RABGAP1L: variants seen among roughly 807,000 people sequenced by gnomAD.
RABGAP1L encodes RAB GTPase activating protein 1 like, also known as rab GTPase-activating protein 1-like.
In RABGAP1L, 63 loss-of-function variants were observed where a neutral mutation model predicts 137.7. That is an observed-to-expected ratio of 0.46 (90% CI 0.37 to 0.56). The LOEUF (loss-of-function observed/expected upper bound fraction) is 0.56, where lower values mean the gene tolerates loss of function less well. RABGAP1L is among the 20% of genes least tolerant of loss of function. The pLI is 0.00. For missense variants in RABGAP1L, 1,095 were observed against 1,244.0 expected (o/e 0.88, Z 1.80); for synonymous variants, 431 against 433.7 (o/e 0.99, Z 0.08).
intron 11 of RABGAP1L, among the ~76,000 whole-genome samples, chr1:174,325,214 T>G (rs1419127205): frequency 6.6e-6 from 1 of 152,224 alleles, no homozygotes; most frequent in East Asian, 1.9e-4. Flanking sequence ...TAGAGTTTTT[T>G]CAACAAAGGC....
chr1:174,802,268 ATCAGT>A (rs1306013099), intron 18 of RABGAP1L, among the ~76,000 whole-genome samples: 1 of 152,178 alleles, frequency 6.6e-6, no homozygotes, highest in Non-Finnish European at 1.5e-5. Flanking sequence ...CTTAGGCTCT[ATCAGT>A]TAGAGCCTAA....
At chr1:174,854,066 T>C (rs1447735565) in intron 19 of RABGAP1L, among the ~76,000 whole-genome samples, 1 of 152,200 alleles carries the variant, frequency 6.6e-6, no homozygotes, top group Non-Finnish European at 1.5e-5. Flanking sequence ...GTATAATGAA[T>C]GTCAGATTGC....
At chr1:174,420,728 G>T (rs1458472658) in intron 13 of RABGAP1L, among the ~76,000 whole-genome samples, 3 of 148,264 alleles carry the variant, frequency 2.0e-5, no homozygotes, top group African/African-American at 7.5e-5. Context: ...AGGCTGGAGT[G>T]CAGTGGCGTA....
chr1:174,904,203 A>G (rs1658645560), intron 19 of RABGAP1L, among the ~76,000 whole-genome samples: 1 of 152,060 alleles, frequency 6.6e-6, no homozygotes, highest in Non-Finnish European at 1.5e-5. Flanking sequence ...TAGAGTTTCT[A>G]CACTAGAAAA....
rs543634156 is a variant in RABGAP1L, at chr1:174,298,663, C to G, written c.1324-6323C>G. Among the ~76,000 whole-genome samples, 5 of 152,272 alleles carry G rather than the reference C, an allele frequency of 3.3e-5. 1 individual carries two copies. In the South Asian group the frequency reaches 1.0e-3, roughly 32 times the overall value. On this transcript the variant is annotated intron_variant, in intron 10 of 25. Transcript: ENST00000681986. ...TAAGGTGAAACTGTGGAACTGAGTC[C>G]TCCTCCAACAAGGGAGAGGAAAGGA... is the stretch of plus-strand genomic sequence containing the variant.
chr1:174,898,171 T>C (rs1657555288), intron 19 of RABGAP1L, among the ~76,000 whole-genome samples: 2 of 152,098 alleles, frequency 1.3e-5, no homozygotes, highest in South Asian at 2.1e-4. Context: ...GGTTTCATCT[T>C]AATAGCACTA....
At chr1:174,535,653 A>G (rs1471356172) in intron 13 of RABGAP1L, among the ~76,000 whole-genome samples, 1 of 152,198 alleles carries the variant, frequency 6.6e-6, no homozygotes, top group Admixed American at 6.5e-5. Flanking sequence ...TCCTTCCTGG[A>G]AGTCATGCTT....
chr1:174,631,793 ACG>A (rs1673408483), intron 13 of RABGAP1L, among the ~76,000 whole-genome samples: 1 of 150,556 alleles, frequency 6.6e-6, no homozygotes, highest in Admixed American at 6.7e-5. Flanking sequence ...ATGTCTCTGC[ACG>A]TGAGATGGGT....
chr1:174,715,748 A>G (rs577473492), intron 17 of RABGAP1L, among the ~76,000 whole-genome samples: 6 of 152,326 alleles, frequency 3.9e-5, no homozygotes, highest in African/African-American at 1.4e-4. Context: ...TTAAGACAGA[A>G]ATAGTAATCA....
intron 18 of RABGAP1L, among the ~76,000 whole-genome samples, chr1:174,778,476 G>GTACC (rs1362081853): frequency 6.6e-6 from 1 of 152,184 alleles, no homozygotes; most frequent in Non-Finnish European, 1.5e-5. Flanking sequence ...GTGGCAAATG[G>GTACC]TACCTATGTG....
chr1:174,745,811 G>A (rs1162578805), intron 17 of RABGAP1L, among the ~76,000 whole-genome samples: 1 of 152,068 alleles, frequency 6.6e-6, no homozygotes, highest in Non-Finnish European at 1.5e-5. Context: ...CTCTTCCTAG[G>A]GTGGTATGTT....
intron 21 of RABGAP1L, among the ~76,000 whole-genome samples, chr1:174,974,035 C>G (rs2149373799): frequency 7.5e-6 from 1 of 132,922 alleles, no homozygotes; most frequent in Admixed American, 9.2e-5. Flanking sequence ...GTCGCCCAGG[C>G]TGGAATGCAG....
intron 1 of RABGAP1L, among the ~76,000 whole-genome samples, chr1:174,218,489 T>C (rs1309572363): frequency 1.3e-5 from 2 of 152,198 alleles, no homozygotes; most frequent in African/African-American, 4.8e-5. Flanking sequence ...AGAATTACAC[T>C]GTGTTTGATT....
At chr1:174,953,439 C>T (rs1399308166) in intron 19 of RABGAP1L, among the ~76,000 whole-genome samples, 1 of 152,156 alleles carries the variant, frequency 6.6e-6, no homozygotes, top group Non-Finnish European at 1.5e-5. Flanking sequence ...TTTAACACTC[C>T]CTCGCCATTC....
intron 3 of RABGAP1L, among the ~76,000 whole-genome samples, chr1:174,229,715 C>T (rs1284257614): frequency 1.3e-5 from 2 of 152,022 alleles, no homozygotes; most frequent in African/African-American, 2.4e-5. Context: ...TGAATAGTGC[C>T]GCTATAAACA....
intron 11 of RABGAP1L, among the ~76,000 whole-genome samples, chr1:174,308,303 C>T (rs538518899): frequency 3.4e-4 from 52 of 151,912 alleles, no homozygotes; most frequent in African/African-American, 1.1e-3. Flanking sequence ...GTGTGATTTG[C>T]GAAATACTTT....
chr1:174,595,551 G>A (rs1314169768), intron 13 of RABGAP1L, among the ~76,000 whole-genome samples: 2 of 132,722 alleles, frequency 1.5e-5, no homozygotes, highest in Admixed American at 1.5e-4. Flanking sequence ...TGTCCTTTCT[G>A]GTTGTTAGTT....
intron 19 of RABGAP1L, chr1:174,875,377 T>TA (rs1393560295): frequency 3.3e-5 from 7 of 210,746 alleles, no homozygotes; most frequent in Non-Finnish European, 5.7e-5. Context: ...TACCTATGGT[T>TA]ACGCTGAATG....
chr1:174,237,527 T>C (rs1252874719), intron 4 of RABGAP1L, among the ~76,000 whole-genome samples: 2 of 57,044 alleles, frequency 3.5e-5, no homozygotes, highest in Non-Finnish European at 6.9e-5. Context: ...CCTTCACTTA[T>C]GAAGCTTAGT....
Sources: gnomAD v4.1 joint callset for allele counts (sites outside exome capture counted in the v4.1 genomes callset) on GRCh38, gnomAD v4.1.1 for gene constraint, MANE v1.5 for transcripts, NCBI Gene and HGNC (gene_info 2026-07-23, HGNC 2026-07-21) for gene names.